The following JAZF1 variants were observed in gnomAD, a reference collection of about 807,000 sequenced individuals.
The protein encoded by JAZF1 is JAZF zinc finger 1, also known as juxtaposed with another zinc finger protein 1.
In JAZF1, 8 loss-of-function variants were observed where a neutral mutation model predicts 26.4. That is an observed-to-expected ratio of 0.30 (90% CI 0.18 to 0.55). JAZF1 has a LOEUF of 0.55. Among genes scored for constraint, JAZF1 ranks in the 20% least tolerant of loss-of-function variants. JAZF1 has a pLI of 0.94. For synonymous variants in JAZF1, 126 were observed against 122.3 expected (o/e 1.03, Z -0.20); for missense variants, 199 against 322.0 (o/e 0.62, Z 2.92).
At chr7:28,070,625 T>G (rs1397189636) in intron 1 of JAZF1, among the ~76,000 whole-genome samples, 1 of 152,218 alleles carries the variant, frequency 6.6e-6, no homozygotes, top group South Asian at 2.1e-4. Context: ...ACAAATCATC[T>G]AGCTCTTCTT....
chr7:27,891,884 C>T (rs1783981489), intron 3 of JAZF1, among the ~76,000 whole-genome samples: 1 of 152,156 alleles, frequency 6.6e-6, no homozygotes, highest in Non-Finnish European at 1.5e-5. Context: ...TTGATTCCAA[C>T]TATACCTAAG....
At chr7:27,948,026 G>A (rs10216038) in intron 2 of JAZF1, among the ~76,000 whole-genome samples, 4,629 of 152,242 alleles carry the variant, frequency 0.03, 215 homozygotes, top group African/African-American at 0.097. Flanking sequence ...AAAACAAGAC[G>A]TGGGGGCAAA....
chr7:28,124,534 T>C (rs1782667081), intron 1 of JAZF1, among the ~76,000 whole-genome samples: 1 of 152,194 alleles, frequency 6.6e-6, no homozygotes, highest in Non-Finnish European at 1.5e-5. Context: ...ATAAGGACAC[T>C]GAGGCTCAAA....
At chr7:28,133,426 G>C (rs1243462894) in intron 1 of JAZF1, among the ~76,000 whole-genome samples, 1 of 152,180 alleles carries the variant, frequency 6.6e-6, no homozygotes, top group Non-Finnish European at 1.5e-5. Context: ...AAGGTCTCTA[G>C]ATGAAAAGAG....
At chr7:27,912,941 A>G (rs1264622928) in intron 2 of JAZF1, among the ~76,000 whole-genome samples, 1 of 152,146 alleles carries the variant, frequency 6.6e-6, no homozygotes, top group Non-Finnish European at 1.5e-5. Context: ...GGTGCTGATG[A>G]TACAGCTGAC....
In JAZF1 at chr7:27,952,284, G is replaced by T. The variant is rs551449917; in HGVS notation, c.188+39625C>A. ...CCCTAAGAGGTGGGGAGGGGTCAGA[G>T]AAGACATTTCGGAGGAGGTACGTTG... On this transcript the variant is annotated intron_variant, in intron 2 of 4. Coordinates refer to ENST00000283928, the MANE Select transcript of JAZF1 (RefSeq NM_175061.4). Among the ~76,000 whole-genome samples the T allele has an allele frequency of 2.6e-5, 4 of 152,344 alleles. No homozygotes were observed. In the East Asian group the frequency reaches 7.7e-4, roughly 29 times the overall value.
intron 2 of JAZF1, among the ~76,000 whole-genome samples, chr7:27,931,845 A>G (rs578048689): frequency 3.3e-5 from 5 of 152,226 alleles, no homozygotes; most frequent in African/African-American, 9.6e-5. Flanking sequence ...CCTGGGAGGT[A>G]GAGGTTGCAG....
At chr7:28,133,225 G>C (rs1782825230) in intron 1 of JAZF1, among the ~76,000 whole-genome samples, 1 of 152,224 alleles carries the variant, frequency 6.6e-6, no homozygotes, top group Non-Finnish European at 1.5e-5. Flanking sequence ...TTATGAATCA[G>C]ATTTACTTTC....
At chr7:28,099,784 A>G (rs565802487) in intron 1 of JAZF1, among the ~76,000 whole-genome samples, 173 of 152,302 alleles carry the variant, frequency 1.1e-3, no homozygotes, top group African/African-American at 3.9e-3. Flanking sequence ...CCTTTTAAAC[A>G]TATTTTTAAA....
intron 2 of JAZF1, chr7:27,913,293 T>A (rs1328180477): frequency 6.8e-6 from 2 of 292,750 alleles, no homozygotes; most frequent in Non-Finnish European, 1.4e-5. Flanking sequence ...ATATATATAT[T>A]TGTGTGTGTG....
intron 2 of JAZF1, among the ~76,000 whole-genome samples, chr7:27,925,812 T>C (rs930924877): frequency 8.5e-5 from 13 of 152,342 alleles, no homozygotes; most frequent in Admixed American, 7.2e-4. Flanking sequence ...TTAAAAATCA[T>C]GGCAGCCCCT....
intron 1 of JAZF1, among the ~76,000 whole-genome samples, chr7:28,167,868 C>A (rs1267461356): frequency 6.6e-6 from 1 of 152,000 alleles, no homozygotes; most frequent in African/African-American, 2.4e-5. Flanking sequence ...GAATAAAAAC[C>A]ACTATAAGCT....
Position 28,031,423 on chromosome 7 carries a change from G to C in JAZF1, c.116-39442C>G, listed in dbSNP as rs76152870. 5.2e-3 allele frequency among the ~76,000 whole-genome samples: 793 copies of C among 152,206 alleles called. 4 individuals are homozygous for C. The highest frequency in any genetic ancestry group is 0.014 in the Middle Eastern group (4 of 294). ...GAAGAGAAAGTGTTTGTGGGAAGACGCTCACTCCCAATATCCCACCCCTCA... is the reference window on the plus strand; with the variant it reads ...GAAGAGAAAGTGTTTGTGGGAAGACCCTCACTCCCAATATCCCACCCCTCA... On this transcript the variant is annotated intron_variant, in intron 1 of 4. Transcript: ENST00000283928.
At chr7:28,171,473 C>T (rs140707799) in intron 1 of JAZF1, among the ~76,000 whole-genome samples, 146 of 152,020 alleles carry the variant, frequency 9.6e-4, no homozygotes, top group African/African-American at 3.4e-3. Context: ...GTCTTGGGGA[C>T]GAGGATAGGA....
At chr7:28,103,257 G>T (rs1057318862) in intron 1 of JAZF1, among the ~76,000 whole-genome samples, 1 of 151,952 alleles carries the variant, frequency 6.6e-6, no homozygotes, top group South Asian at 2.1e-4. Context: ...CCTCTCTCCT[G>T]AACTCCAGAA....
At chr7:28,109,799 C>CA in intron 1 of JAZF1, among the ~76,000 whole-genome samples, 2 of 152,190 alleles carry the variant, frequency 1.3e-5, no homozygotes, top group Non-Finnish European at 2.9e-5. Flanking sequence ...GGATGGAGGG[C>CA]ACTCACCTTG....
intron 2 of JAZF1, among the ~76,000 whole-genome samples, chr7:27,946,934 C>A (rs1014018753): frequency 6.6e-6 from 1 of 152,122 alleles, no homozygotes; most frequent in African/African-American, 2.4e-5. Flanking sequence ...TAAATATATG[C>A]TACTGCCCTA....
intron 1 of JAZF1, among the ~76,000 whole-genome samples, chr7:28,020,977 C>A (rs917848065): frequency 3.3e-5 from 5 of 152,310 alleles, no homozygotes; most frequent in African/African-American, 1.2e-4. Flanking sequence ...CACAACCATA[C>A]CCCGGAGCTA....
intron 2 of JAZF1, among the ~76,000 whole-genome samples, chr7:27,987,764 AAAAG>A (rs1036402967): frequency 6.6e-5 from 10 of 152,240 alleles, no homozygotes; most frequent in African/African-American, 7.2e-5. Context: ...GGGAAATGGG[AAAAG>A]AAAGAGAGAT....
Sources: gnomAD v4.1 joint callset for allele counts (sites outside exome capture counted in the v4.1 genomes callset) on GRCh38, gnomAD v4.1.1 for gene constraint, MANE v1.5 for transcripts, NCBI Gene and HGNC (gene_info 2026-07-23, HGNC 2026-07-21) for gene names.